USP25: variants seen among roughly 807,000 people sequenced by gnomAD.
USP25 encodes ubiquitin carboxyl-terminal hydrolase 25.
In USP25, 85 loss-of-function variants were observed where a neutral mutation model predicts 158.5. That is an observed-to-expected ratio of 0.54 (90% confidence interval 0.45 to 0.64). The LOEUF is 0.64. Ranked by LOEUF, USP25 falls within the 30% of genes least tolerant of loss-of-function variation. USP25 has a pLI of 0.00. For synonymous variants in USP25, 464 were observed against 460.4 expected, an observed-to-expected ratio of 1.01 and a Z score of -0.10; for missense variants, 1,242 against 1,327.3, an observed-to-expected ratio of 0.94 and a Z score of 1.00.
chr21:15,865,885 T>G (rs1383772482), intron 21 of USP25, among the ~76,000 whole-genome samples: 3 of 152,114 alleles, frequency 2.0e-5, no homozygotes, highest in African/African-American at 7.2e-5. Context: ...TTAGACTCTT[T>G]AGTATTTAAG....
intron 20 of USP25, among the ~76,000 whole-genome samples, chr21:15,858,067 A>G (rs1204686003): frequency 3.9e-5 from 6 of 152,066 alleles, no homozygotes; most frequent in Non-Finnish European, 5.9e-5. Flanking sequence ...TTTTTGGACA[A>G]TACACTGAAT....
intron 8 of USP25, among the ~76,000 whole-genome samples, chr21:15,810,693 C>T (rs1184102622): frequency 1.3e-5 from 2 of 152,124 alleles, no homozygotes; most frequent in South Asian, 4.1e-4. Flanking sequence ...TTTTTGGACT[C>T]TTCCATGTAA....
intron 3 of USP25, among the ~76,000 whole-genome samples, chr21:15,769,351 C>A (rs1193736964): frequency 6.6e-6 from 1 of 152,038 alleles, no homozygotes; most frequent in Non-Finnish European, 1.5e-5. Context: ...AAGTCGTACA[C>A]CTCATGTCTT....
At chr21:15,797,045 C>G (rs530566253) in intron 5 of USP25, among the ~76,000 whole-genome samples, 1 of 151,302 alleles carries the variant, frequency 6.6e-6, no homozygotes, top group African/African-American at 2.4e-5. Context: ...TTATTAGACA[C>G]AACTGAAGAG....
chr21:15,844,240 GT>G (rs1362561008), intron 18 of USP25, among the ~76,000 whole-genome samples: 1 of 152,060 alleles, frequency 6.6e-6, no homozygotes, highest in African/African-American at 2.4e-5. Context: ...CTTCATAGCG[GT>G]TTTTTTCATT....
At chr21:15,812,842 A>G (rs1358766884) in intron 9 of USP25, among the ~76,000 whole-genome samples, 3 of 152,106 alleles carry the variant, frequency 2.0e-5, no homozygotes, top group African/African-American at 7.2e-5. Flanking sequence ...TCTTCCTAAT[A>G]CTTTCTTTCA....
At chr21:15,836,710 A>C (rs1330382712) in intron 17 of USP25, among the ~76,000 whole-genome samples, 1 of 136,284 alleles carries the variant, frequency 7.3e-6, no homozygotes, top group Admixed American at 7.4e-5. Context: ...AACTTACCTG[A>C]ATACTGTTGT....
intron 20 of USP25, among the ~76,000 whole-genome samples, chr21:15,861,300 T>C (rs2039417813): frequency 6.6e-6 from 1 of 152,034 alleles, no homozygotes; most frequent in South Asian, 2.1e-4. Flanking sequence ...GGAAATAAGA[T>C]TGAATAAATG....
At chr21:15,822,833 T>C (rs1220647417) in intron 10 of USP25, among the ~76,000 whole-genome samples, 3 of 152,042 alleles carry the variant, frequency 2.0e-5, no homozygotes, top group Admixed American at 6.5e-5. Context: ...TTTTATTTAA[T>C]CCGTTTCAGG....
intron 23 of USP25, among the ~76,000 whole-genome samples, chr21:15,874,191 T>G (rs1434528846): frequency 6.6e-6 from 1 of 152,206 alleles, no homozygotes; most frequent in Non-Finnish European, 1.5e-5. Flanking sequence ...ATAGCTCTTC[T>G]TTTTTTACTT....
intron 18 of USP25, among the ~76,000 whole-genome samples, chr21:15,844,843 G>A (rs2038503445): frequency 6.6e-6 from 1 of 151,960 alleles, no homozygotes; most frequent in Non-Finnish European, 1.5e-5. Context: ...ATTTTGTGTT[G>A]CCTTCTTTTA....
chr21:15,874,524 C>T lies in USP25; in HGVS notation c.3007C>T (p.Leu1003=). The T allele has an allele frequency of 6.3e-7, 1 of 1,593,290 alleles. No individual in the cohort carries two copies. Among genetic ancestry groups the T allele is most frequent in the Non-Finnish European group, 8.5e-7 (1 of 1,173,704 alleles). ...LISHYRRECL[L]KLNEQAAELF... ...ATCACATTATAGAAGAGAATGTTTGCTAGTAAGTTGAATGCATATAGTATG... is the reference window on the plus strand; with the variant it reads ...ATCACATTATAGAAGAGAATGTTTGTTAGTAAGTTGAATGCATATAGTATG... Residue 1003 remains leucine, a splice_region_variant and synonymous_variant, in exon 24 of 26, where the codon CTA becomes TTA. Transcript: ENST00000400183.
chr21:15,852,342 G>A (rs1487139986), intron 20 of USP25, among the ~76,000 whole-genome samples: 1 of 151,994 alleles, frequency 6.6e-6, no homozygotes, highest in Non-Finnish European at 1.5e-5. Context: ...GATATTAGCA[G>A]CCAGACTGCC....
chr21:15,779,914 A>G (rs1247696493), intron 4 of USP25, among the ~76,000 whole-genome samples: 2 of 152,102 alleles, frequency 1.3e-5, no homozygotes, highest in Non-Finnish European at 2.9e-5. Context: ...TGGGTGTTCA[A>G]TGCAAAATAT....
At chr21:15,741,418 G>A (rs2032047786) in intron 1 of USP25, among the ~76,000 whole-genome samples, 1 of 151,470 alleles carries the variant, frequency 6.6e-6, no homozygotes, top group Non-Finnish European at 1.5e-5. Context: ...GTACTAAATT[G>A]TTATCCAAAT....
intron 3 of USP25, among the ~76,000 whole-genome samples, chr21:15,772,881 G>C (rs2823483): frequency 0.17 from 26,149 of 152,082 alleles, 2,269 homozygotes; most frequent in Non-Finnish European, 0.18. Context: ...TGTGTGGACC[G>C]TATGTGAGGG....
rs371475401 is a variant in USP25 at position 15,762,885 on chromosome 21, C to G, written c.46-6C>G. 9 of 1,611,258 alleles carry G rather than the reference C, an allele frequency of 5.6e-6. No individual in the cohort carries two copies. The highest frequency in any genetic ancestry group is 7.6e-6 in the Non-Finnish European group (9 of 1,178,674). On this transcript the variant is annotated splice_region_variant and splice_polypyrimidine_tract_variant and intron_variant, in intron 1 of 25. Coordinates refer to ENST00000400183, the MANE Select transcript of USP25 (RefSeq NM_001283041.3). ...TATAATGATTTTGGGTTTTTCCTCC[C>G]TCTAGCACCAGCAGACGTTTTTGAA...
intron 20 of USP25, among the ~76,000 whole-genome samples, chr21:15,861,173 G>T (rs1381309156): frequency 6.6e-6 from 1 of 152,026 alleles, no homozygotes; most frequent in African/African-American, 2.4e-5. Context: ...GGTAGATGGG[G>T]AATGAACAAG....
At chr21:15,851,804 C>T (rs1156538151) in intron 20 of USP25, among the ~76,000 whole-genome samples, 3 of 151,938 alleles carry the variant, frequency 2.0e-5, no homozygotes, top group African/African-American at 7.2e-5. Context: ...TTATGACCTG[C>T]CCCAATCTGT....
Sources: gnomAD v4.1 joint callset for allele counts (sites outside exome capture counted in the v4.1 genomes callset) on GRCh38, gnomAD v4.1.1 for gene constraint, MANE v1.5 for transcripts, NCBI Gene and HGNC (gene_info 2026-07-23, HGNC 2026-07-21) for gene names.